PCDHA5: variants seen among roughly 807,000 people sequenced by gnomAD.
PCDHA5 encodes the protein protocadherin alpha-5.
Under a neutral mutation model 61.6 loss-of-function variants are expected in PCDHA5, and 43 were observed. The ratio of observed to expected loss-of-function variants is 0.70; its 90% CI spans 0.55 to 0.90. The LOEUF (loss-of-function observed/expected upper bound fraction) is 0.90. Among genes scored for constraint, PCDHA5 ranks in the 40% least tolerant of loss-of-function variants. The pLI is 0.00. For missense variants in PCDHA5, 1,298 were observed against 1,222.7 expected (o/e 1.06, Z -0.92); for synonymous variants, 627 against 543.9 (o/e 1.15, Z -2.13).
intron 1 of PCDHA5, among the ~76,000 whole-genome samples, chr5:140,925,455 T>C (rs1367623051): frequency 6.6e-6 from 1 of 152,106 alleles, no homozygotes; most frequent in Non-Finnish European, 1.5e-5. Flanking sequence ...GGTGTATCTG[T>C]TGTGGCTCAG....
chr5:140,887,326 G>A (rs1344500973), intron 1 of PCDHA5, among the ~76,000 whole-genome samples: 7 of 152,230 alleles, frequency 4.6e-5, no homozygotes, highest in South Asian at 2.1e-4. Context: ...TCGAACTCCT[G>A]ACCTCGTGAT....
In PCDHA5 at chr5:140,835,510, A is replaced by C. The variant is rs145294768; in HGVS notation, c.2352+11383A>C. On this transcript the variant is annotated intron_variant, in intron 1 of 3. Transcript: ENST00000529859. Reference sequence around the variant, plus strand: ...GTCATCACATTGATTAGCGTGTTTGACCGAGATTTTGGAGTCAACGGACAG... The same window carrying C: ...GTCATCACATTGATTAGCGTGTTTGCCCGAGATTTTGGAGTCAACGGACAG... The C allele has an allele frequency of 3.4e-5, 55 of 1,613,788 alleles. 1 individual carries two copies. The highest frequency in any genetic ancestry group is 4.6e-5 in the Non-Finnish European group (54 of 1,179,878).
chr5:140,972,660 A>ATTTT (rs11350929), intron 1 of PCDHA5, among the ~76,000 whole-genome samples: 3 of 117,268 alleles, frequency 2.6e-5, no homozygotes, highest in Admixed American at 9.2e-5. Context: ...AAGAAACCAA[A>ATTTT]TTTTTTTTTT....
At chr5:140,987,893 G>A (rs571929057) in intron 3 of PCDHA5, among the ~76,000 whole-genome samples, 82 of 152,138 alleles carry the variant, frequency 5.4e-4, no homozygotes, top group Admixed American at 1.5e-3. Context: ...ATGTGCCCTA[G>A]TTTTATATGG....
At chr5:140,843,662 G>T in intron 1 of PCDHA5, 1 of 1,593,858 alleles carries the variant, frequency 6.3e-7, no homozygotes, top group South Asian at 1.1e-5. Flanking sequence ...TCCTGATCTG[G>T]GATCAGTTGA....
intron 1 of PCDHA5, chr5:140,828,129 G>A (rs2150151215): frequency 3.7e-6 from 6 of 1,613,446 alleles, no homozygotes; most frequent in Non-Finnish European, 5.1e-6. Flanking sequence ...GGAAAGCAAT[G>A]TCTGCTCCTC....
At chr5:140,952,807 C>T (rs1390694306) in intron 1 of PCDHA5, among the ~76,000 whole-genome samples, 2 of 152,158 alleles carry the variant, frequency 1.3e-5, no homozygotes, top group Admixed American at 6.5e-5. Context: ...CGCAGTTCTG[C>T]AGGCTGTACA....
At chr5:140,854,190 A>G (rs2043033379) in intron 1 of PCDHA5, 1 of 648,948 alleles carries the variant, frequency 1.5e-6, no homozygotes, top group Non-Finnish European at 1.9e-6. Context: ...TAGTTTAACT[A>G]CTCCCTACTT....
intron 1 of PCDHA5, chr5:140,849,852 C>G: frequency 3.8e-6 from 6 of 1,598,608 alleles, no homozygotes; most frequent in Non-Finnish European, 5.1e-6. Flanking sequence ...CGACAACGCA[C>G]CAGCGTTCGC....
intron 1 of PCDHA5, among the ~76,000 whole-genome samples, chr5:140,964,650 TG>T (rs1554227136): frequency 6.6e-6 from 1 of 151,800 alleles, no homozygotes; most frequent in Non-Finnish European, 1.5e-5. Flanking sequence ...AAACAAGTAA[TG>T]GGTGAGGACA....
In PCDHA5 at chr5:140,853,829, C is replaced by T. The variant is rs782020407; in HGVS notation, c.2352+29702C>T. 4.9e-5 allele frequency: 48 copies of T among 986,432 alleles called. 3 individuals carry two copies. Among genetic ancestry groups the T allele is most frequent in the Non-Finnish European group, 5.4e-5 (44 of 818,590 alleles). The allele number at this position is 986,432 out of a possible 1,614,324, so 61.1% of individuals were successfully genotyped here. A position where few individuals can be genotyped will look rare whatever the true frequency, so the allele number is the denominator to read the frequency against. ...ACACCTGAGATGATTCTCATACAACCGAAATTTTAGATCCATAGCCCTATT... is the reference window on the plus strand; with the variant it reads ...ACACCTGAGATGATTCTCATACAACTGAAATTTTAGATCCATAGCCCTATT... On this transcript the variant is annotated intron_variant, in intron 1 of 3. Coordinates refer to ENST00000529859, the MANE Select transcript of PCDHA5 (RefSeq NM_018908.3).
intron 1 of PCDHA5, chr5:140,834,368 A>G: frequency 6.4e-7 from 1 of 1,555,360 alleles, no homozygotes; most frequent in Non-Finnish European, 8.7e-7. Context: ...CTAGAAAAAC[A>G]AGCCAATAAT....
At chr5:140,839,065 GC>G (rs1320146572) in intron 1 of PCDHA5, among the ~76,000 whole-genome samples, 1 of 152,054 alleles carries the variant, frequency 6.6e-6, no homozygotes, top group African/African-American at 2.4e-5. Context: ...ATAGAGGTAT[GC>G]AAAGTCAAAA....
chr5:140,943,632 G>A (rs1351799858), intron 1 of PCDHA5, among the ~76,000 whole-genome samples: 1 of 152,098 alleles, frequency 6.6e-6, no homozygotes, highest in Non-Finnish European at 1.5e-5. Flanking sequence ...AAGGAAGCTG[G>A]ATTATGGATA....
intron 1 of PCDHA5, among the ~76,000 whole-genome samples, chr5:140,944,361 A>G (rs1463339181): frequency 6.6e-6 from 1 of 151,888 alleles, no homozygotes; most frequent in Non-Finnish European, 1.5e-5. Flanking sequence ...CTAATTTTTA[A>G]TTTTTTATAG....
intron 1 of PCDHA5, chr5:140,883,519 C>G: frequency 6.2e-7 from 1 of 1,614,190 alleles, no homozygotes; most frequent in South Asian, 1.1e-5. Context: ...ACCGCGAGAG[C>G]GTATCAGCCT....
chr5:140,828,666 T>C lies in PCDHA5; in HGVS notation c.2352+4539T>C, dbSNP rs111411595. The stretch of plus-strand genomic sequence containing the variant: ...ATAAACAGTGATGACAATAAACAAA[T>C]TGGGCTCTTATTAAAGAAATCCTTG... On this transcript the variant is annotated intron_variant, in intron 1 of 3. Coordinates refer to ENST00000529859, the MANE Select transcript of PCDHA5 (RefSeq NM_018908.3). 181 of 1,614,044 alleles carry C rather than the reference T, an allele frequency of 1.1e-4. No individual in the cohort carries two copies. The highest frequency in any genetic ancestry group is 1.7e-4 in the African/African-American group (13 of 74,926).
At chr5:140,882,016 A>T in intron 1 of PCDHA5, 1 of 543,846 alleles carries the variant, frequency 1.8e-6, no homozygotes, top group Non-Finnish European at 3.0e-6. Context: ...AAAAAATACT[A>T]CATCAATGGA....
At chr5:141,007,573 T>G (rs2153992759) in intron 3 of PCDHA5, among the ~76,000 whole-genome samples, 1 of 151,796 alleles carries the variant, frequency 6.6e-6, no homozygotes, top group African/African-American at 2.4e-5. Context: ...ATCTCAAATT[T>G]AAAAAATAAT....
Sources: allele counts gnomAD v4.1 joint callset (sites outside exome capture counted in the v4.1 genomes callset), GRCh38; gene constraint gnomAD v4.1.1; transcripts MANE v1.5; gene names NCBI Gene and HGNC (gene_info 2026-07-23, HGNC 2026-07-21).